The following EGLN3 variants were observed in gnomAD, a reference collection of about 807,000 sequenced individuals.
EGLN3 encodes the protein egl-9 family hypoxia inducible factor 3, also known as prolyl hydroxylase EGLN3.
Under a neutral mutation model 26.0 loss-of-function variants are expected in EGLN3, and 15 were observed. That is an observed-to-expected ratio of 0.58 (90% confidence interval 0.39 to 0.89). EGLN3 has a LOEUF of 0.89. Among genes scored for constraint, EGLN3 ranks in the 40% least tolerant of loss-of-function variants. The pLI, the probability that EGLN3 is intolerant of heterozygous loss-of-function variation, is 0.00. For missense variants in EGLN3, 238 were observed against 311.6 expected, an observed-to-expected ratio of 0.76 and a Z score of 1.78; for synonymous variants, 147 against 127.2, an observed-to-expected ratio of 1.16 and a Z score of -1.05.
chr14:33,950,444 G>C lies in EGLN3; in HGVS notation c.309C>G (p.Leu103=). ...ATTTGCCCAGCCGGCTCCCGCAGTA[G>C]AGGACCAGCCTGTCGATGAGGGACA... ...FLLSLIDRLV[L]YCGSRLGKYY... Residue 103 remains leucine (L), a synonymous_variant, in exon 1 of 5, where the codon CTC becomes CTG. Transcript: ENST00000250457. 6.2e-7 allele frequency: 1 copy of C among 1,613,418 alleles called. No individual in the cohort carries two copies. The highest frequency in any genetic ancestry group is 8.5e-7 in the Non-Finnish European group (1 of 1,180,036).
chr14:33,947,711 C>A (rs1438396741), intron 1 of EGLN3, among the ~76,000 whole-genome samples: 1 of 152,102 alleles, frequency 6.6e-6, no homozygotes, highest in African/African-American at 2.4e-5. Context: ...TTATATTAGC[C>A]TCTTATGTTT....
chr14:33,928,973 G>A, intron 3 of EGLN3, 103 bp downstream of exon 3: 1 of 1,414,382 alleles, frequency 7.1e-7, no homozygotes, highest in South Asian at 1.4e-5. Context: ...GCTATGGGGT[G>A]TGGTCAATCC....
At position 33,924,405 on chromosome 14, in the gene EGLN3, A is replaced by G. The variant is rs572810614; in HGVS notation, c.*1486T>C. ...TAAACATAATAAGTGAATAAATTAC[A>G]TAGTAATTTAGAAGGTGATAACTAT... On this transcript the variant is annotated 3_prime_UTR_variant, in exon 5 of 5. Coordinates refer to ENST00000250457, the MANE Select transcript of EGLN3 (RefSeq NM_022073.4). 1 of 152,218 alleles carries G rather than the reference A, an allele frequency of 6.6e-6. No individual in the cohort carries two copies. Among genetic ancestry groups the G allele is most frequent in the African/African-American group, 2.4e-5 (1 of 41,456 alleles). The allele number at this position is 152,218 out of a possible 1,614,324, so 9.4% of individuals were successfully genotyped here. A position where few individuals can be genotyped will look rare whatever the true frequency, so the allele number is the denominator to read the frequency against.
At chr14:33,941,341 G>T (rs1363653141) in intron 1 of EGLN3, among the ~76,000 whole-genome samples, 1 of 151,946 alleles carries the variant, frequency 6.6e-6, no homozygotes, top group African/African-American at 2.4e-5. Context: ...AGACCTGTAG[G>T]TATGAGCTGC....
intron 1 of EGLN3, among the ~76,000 whole-genome samples, chr14:33,947,382 G>C (rs1258279117): frequency 4.6e-5 from 7 of 152,174 alleles, no homozygotes; most frequent in Admixed American, 3.9e-4. Flanking sequence ...AGATGAGGTA[G>C]ACAAATTCTG....
chr14:33,930,886 C>A (rs1940223711), intron 2 of EGLN3, among the ~76,000 whole-genome samples: 1 of 152,156 alleles, frequency 6.6e-6, no homozygotes, highest in Non-Finnish European at 1.5e-5. Context: ...ATCACCCTAC[C>A]TACCCCACTC....
At chr14:33,940,846 C>A (rs1441115014) in intron 1 of EGLN3, among the ~76,000 whole-genome samples, 1 of 152,156 alleles carries the variant, frequency 6.6e-6, no homozygotes, top group African/African-American at 2.4e-5. Context: ...GTGTCATTCC[C>A]GAAGCTGGCA....
chr14:33,926,894 C>T (rs10137361), intron 4 of EGLN3, 66 bp downstream of exon 4: 675,341 of 1,206,734 alleles, frequency 0.56, 193,418 homozygotes, highest in Admixed American at 0.74. Context: ...TTTAAAACTA[C>T]ATAAAATTGA....
At chr14:33,938,820 G>A (rs1392467791) in intron 1 of EGLN3, among the ~76,000 whole-genome samples, 1 of 152,200 alleles carries the variant, frequency 6.6e-6, no homozygotes, top group Non-Finnish European at 1.5e-5. Context: ...GAGCAGCAGT[G>A]TGTGCCCTGA....
chr14:33,934,229 T>C (rs1397855476), intron 1 of EGLN3, among the ~76,000 whole-genome samples: 1 of 152,002 alleles, frequency 6.6e-6, no homozygotes, highest in Non-Finnish European at 1.5e-5. Flanking sequence ...TCTGTAGCAA[T>C]AGGAAATGAG....
At chr14:33,948,021 A>T (rs548533452) in intron 1 of EGLN3, among the ~76,000 whole-genome samples, 2 of 152,142 alleles carry the variant, frequency 1.3e-5, no homozygotes, top group African/African-American at 4.8e-5. Flanking sequence ...ACAGAGCAAG[A>T]CTCCATCTCA....
intron 1 of EGLN3, among the ~76,000 whole-genome samples, chr14:33,939,504 C>G (rs1424782482): frequency 8.4e-6 from 1 of 119,218 alleles, no homozygotes; most frequent in Non-Finnish European, 1.9e-5. Flanking sequence ...GCCACCGCGC[C>G]CGGCCGAAAC....
chr14:33,944,151 T>C (rs2064501748), intron 1 of EGLN3, among the ~76,000 whole-genome samples: 1 of 152,190 alleles, frequency 6.6e-6, no homozygotes, highest in Admixed American at 6.5e-5. Context: ...AGATGGAGTC[T>C]TGGTCTGTTG....
rs1351952607 is a variant in EGLN3, at chr14:33,950,478, C to T, written c.275G>A (p.Ser92Asn). The T allele has an allele frequency of 1.2e-6, 2 of 1,613,604 alleles. No homozygotes were observed. The highest frequency in any genetic ancestry group is 2.2e-5 in the East Asian group (1 of 44,870). The change falls in exon 1 of 5, where the codon AGC becomes AAC. Residue 92 changes from serine to asparagine, a missense_variant. By Grantham distance (46) the Ser-to-Asn change is conservative. Coordinates refer to ENST00000250457, the MANE Select transcript of EGLN3 (RefSeq NM_022073.4). ...CCTGTCGATGAGGGACAGGAGGAAG[C>T]TGATGGCCTCGCAGCCCTCCTCGTT... ...GGNEEGCEAISFLLSLIDRLV... is the reference protein window; with the variant it reads ...GGNEEGCEAINFLLSLIDRLV...
intron 1 of EGLN3, among the ~76,000 whole-genome samples, chr14:33,945,447 G>A (rs143904483): frequency 6.6e-6 from 1 of 152,290 alleles, no homozygotes; most frequent in East Asian, 1.9e-4. Flanking sequence ...GAGACAATCA[G>A]ACTTTCTCCC....
At chr14:33,932,190 T>C (rs2064409616) in intron 1 of EGLN3, among the ~76,000 whole-genome samples, 1 of 152,206 alleles carries the variant, frequency 6.6e-6, no homozygotes, top group African/African-American at 2.4e-5. Flanking sequence ...TTTCCTGTTC[T>C]ACTCACTGAT....
intron 1 of EGLN3, chr14:33,949,708 C>G: frequency 6.5e-6 from 1 of 152,688 alleles, no homozygotes; most frequent in East Asian, 1.9e-4. Context: ...ACTACTCTCT[C>G]GTGAGCACTT....
At chr14:33,939,233 C>A in intron 1 of EGLN3, among the ~76,000 whole-genome samples, 1 of 149,908 alleles carries the variant, frequency 6.7e-6, no homozygotes. Flanking sequence ...TTTTTTGAGA[C>A]GGAGTCTCGC....
intron 1 of EGLN3, among the ~76,000 whole-genome samples, chr14:33,938,096 C>T (rs1266687813): frequency 2.6e-5 from 4 of 152,200 alleles, no homozygotes; most frequent in Non-Finnish European, 5.9e-5. Context: ...GAGATTCTTA[C>T]ATTAAAAGGA....
Sources: gnomAD v4.1 joint callset for allele counts (sites outside exome capture counted in the v4.1 genomes callset) on GRCh38, gnomAD v4.1.1 for gene constraint, MANE v1.5 for transcripts, NCBI Gene and HGNC (gene_info 2026-07-23, HGNC 2026-07-21) for gene names.